Variants in SAMMSON observed in about 807,000 individuals in gnomAD.
SAMMSON encodes long intergenic non-protein coding RNA 1212.
At chr3:70,187,427 CTTTTTTTTTTTTTTT>C (rs928465556) in intron 4 of SAMMSON, among the ~76,000 whole-genome samples, 10 of 73,116 alleles carry the variant, frequency 1.4e-4, no homozygotes, top group South Asian at 1.2e-3. Context: ...GGGACCAACT[CTTTTTTTTTTTTTTT>C]TTTTTTTTTT....
chr3:70,150,277 T>C (rs2067566385), intron 4 of SAMMSON, among the ~76,000 whole-genome samples: 1 of 152,108 alleles, frequency 6.6e-6, no homozygotes, highest in African/African-American at 2.4e-5. Flanking sequence ...ATGTCTAATG[T>C]TTATTCAAAC....
At chr3:70,236,300 A>G (rs1191332834) in intron 4 of SAMMSON, among the ~76,000 whole-genome samples, 4 of 152,178 alleles carry the variant, frequency 2.6e-5, no homozygotes, top group East Asian at 1.9e-4. Context: ...AACTCCCTGC[A>G]CTTAAAAAAG....
chr3:70,247,392 A>T (rs1010498098), intron 4 of SAMMSON, among the ~76,000 whole-genome samples: 4 of 151,992 alleles, frequency 2.6e-5, no homozygotes, highest in Non-Finnish European at 5.9e-5. Flanking sequence ...TAATTTTTTT[A>T]AAGCCCACCA....
chr3:70,391,375 T>A (rs998905900), downstream of SAMMSON, among the ~76,000 whole-genome samples: 14 of 152,178 alleles, frequency 9.2e-5, no homozygotes, highest in African/African-American at 2.9e-4. Flanking sequence ...GCATAATATT[T>A]GGTTGTATTT....
chr3:70,374,907 G>A (rs909612159), intron 9 of SAMMSON, among the ~76,000 whole-genome samples: 4 of 152,048 alleles, frequency 2.6e-5, no homozygotes, highest in African/African-American at 9.7e-5. Context: ...AGAGAGAGTG[G>A]GCTTTTGCTG....
At chr3:70,027,102 G>A (rs111236842) in intron 3 of SAMMSON, among the ~76,000 whole-genome samples, 4,429 of 152,156 alleles carry the variant, frequency 0.029, 100 homozygotes, top group Non-Finnish European at 0.04. Context: ...AGAACGTTGA[G>A]GCATTTTCAT....
intron 4 of SAMMSON, among the ~76,000 whole-genome samples, chr3:70,156,354 G>A (rs2067591795): frequency 6.6e-6 from 1 of 152,032 alleles, no homozygotes; most frequent in South Asian, 2.1e-4. Context: ...GTGCAGTCGA[G>A]TATTTTGAGC....
At chr3:70,006,249 A>C (rs531585943) in intron 1 of SAMMSON, among the ~76,000 whole-genome samples, 5 of 152,324 alleles carry the variant, frequency 3.3e-5, no homozygotes, top group African/African-American at 9.6e-5. Context: ...AAAAACCTCA[A>C]ATGCTAGATG....
intron 4 of SAMMSON, chr3:70,183,865 T>C (rs1701072232): frequency 6.6e-6 from 1 of 152,110 alleles, no homozygotes; most frequent in Admixed American, 6.5e-5. Context: ...GATGGCGAGA[T>C]AGAGGAGAGA....
intron 4 of SAMMSON, among the ~76,000 whole-genome samples, chr3:70,187,950 T>C (rs1701104497): frequency 6.6e-6 from 1 of 152,072 alleles, no homozygotes; most frequent in South Asian, 2.1e-4. Flanking sequence ...TGTAGCAAGC[T>C]CTCTGAGTGT....
rs77723134 is a variant in SAMMSON at position 70,342,491 on chromosome 3, A to G, written n.740-11684A>G. The stretch of plus-strand genomic sequence containing the variant: ...ACACCAGTGTAGTTGGCTTTACACT[A>G]TATTCATTCCAAAGTATTTGTCTTA... On this transcript the variant is annotated intron_variant and non_coding_transcript_variant, in intron 7 of 9. Transcript: ENST00000642114. 2.6e-5 allele frequency among the ~76,000 whole-genome samples: 4 copies of G among 152,304 alleles called. No individual in the cohort carries two copies. In the East Asian group the frequency reaches 5.8e-4, roughly 22 times the overall value.
chr3:70,187,346 C>A (rs1184938652), intron 4 of SAMMSON, among the ~76,000 whole-genome samples: 1 of 146,744 alleles, frequency 6.8e-6, no homozygotes, highest in Non-Finnish European at 1.5e-5. Context: ...GTGTTGCACA[C>A]ATAATTTCTT....
intron 1 of SAMMSON, chr3:69,999,994 C>G (rs1156981387): frequency 6.6e-6 from 1 of 152,280 alleles, no homozygotes; most frequent in Non-Finnish European, 1.5e-5. Context: ...CAACTTTGCA[C>G]TCATTCTCCA....
At position 70,369,202 on chromosome 3, in the gene SAMMSON, T is replaced by G. The variant is rs1381379898; in HGVS notation, n.913+10878T>G. 2.0e-5 allele frequency among the ~76,000 whole-genome samples: 3 copies of G among 151,712 alleles called. No individual in the cohort carries two copies. The East Asian group carries it at 5.8e-4, about 29-fold the overall frequency. On this transcript the variant is annotated intron_variant and non_coding_transcript_variant, in intron 9 of 9. Coordinates refer to ENST00000642114, the Ensembl canonical transcript of SAMMSON. The stretch of plus-strand genomic sequence containing the variant: ...GCTTTTATATAGGAAAGCAATTGAT[T>G]TTTGTATATTAACGCTGTATCCTAC...
intron 4 of SAMMSON, among the ~76,000 whole-genome samples, chr3:70,207,727 G>A (rs1189043811): frequency 6.6e-6 from 1 of 152,064 alleles, no homozygotes; most frequent in African/African-American, 2.4e-5. Context: ...TATTAGGTAT[G>A]ATAAATAATC....
intron 9 of SAMMSON, among the ~76,000 whole-genome samples, chr3:70,372,450 T>G (rs909565624): frequency 6.6e-6 from 1 of 152,026 alleles, no homozygotes; most frequent in Non-Finnish European, 1.5e-5. Flanking sequence ...TAGCAGGGAT[T>G]ACAGGCGCCT....
intron 7 of SAMMSON, among the ~76,000 whole-genome samples, chr3:70,323,679 A>T (rs535722106): frequency 1.3e-5 from 2 of 152,128 alleles, no homozygotes; most frequent in African/African-American, 2.4e-5. Context: ...GACAGCTGCT[A>T]TATTGTTTTA....
At chr3:70,052,535 C>G (rs1049724269) in intron 3 of SAMMSON, among the ~76,000 whole-genome samples, 1 of 152,034 alleles carries the variant, frequency 6.6e-6, no homozygotes, top group Non-Finnish European at 1.5e-5. Flanking sequence ...AAAATAGTAG[C>G]AAAAATTGGT....
intron 2 of SAMMSON, among the ~76,000 whole-genome samples, chr3:70,013,024 C>T (rs933571494): frequency 1.3e-5 from 2 of 152,082 alleles, no homozygotes; most frequent in African/African-American, 2.4e-5. Flanking sequence ...TTGAAACATA[C>T]TTGCTGTGTC....
Sources: gnomAD v4.1 joint callset for allele counts (sites outside exome capture counted in the v4.1 genomes callset) on GRCh38, gnomAD v4.1.1 for gene constraint, MANE v1.5 for transcripts, NCBI Gene and HGNC (gene_info 2026-07-23, HGNC 2026-07-21) for gene names.